The following NUDT3 variants were observed in gnomAD, a reference collection of about 807,000 sequenced individuals.
The protein encoded by NUDT3 is nudix hydrolase 3.
Under a neutral mutation model 23.6 loss-of-function variants are expected in NUDT3, and 9 were observed. The ratio of observed to expected loss-of-function variants is 0.38; its 90% CI spans 0.23 to 0.66. NUDT3 has a LOEUF of 0.66. Among genes scored for constraint, NUDT3 ranks in the 30% least tolerant of loss-of-function variants. The pLI, the probability that NUDT3 is intolerant of heterozygous loss-of-function variation, is 0.52. For synonymous variants in NUDT3, 86 were observed against 82.6 expected, an observed-to-expected ratio of 1.04 and a Z score of -0.22; for missense variants, 172 against 218.5, an observed-to-expected ratio of 0.79 and a Z score of 1.34.
chr6:34,336,858 A>G lies in NUDT3; in HGVS notation c.210+5004T>C, dbSNP rs533491948. 2.9e-4 allele frequency among the ~76,000 whole-genome samples: 44 copies of G among 152,352 alleles called. No individual in the cohort carries two copies. The South Asian group carries it at 4.3e-3, about 15-fold the overall frequency. ...AGGTATTATCCACAGAGCCCCTCAA[A>G]AAGTGGCTATTAAAATCTCCTACAT... On this transcript the variant is annotated intron_variant, in intron 2 of 4. Transcript: ENST00000607016.
At chr6:34,342,993 A>C (rs1205942166) in intron 1 of NUDT3, among the ~76,000 whole-genome samples, 1 of 152,066 alleles carries the variant, frequency 6.6e-6, no homozygotes, top group East Asian at 1.9e-4. Context: ...TGTTCCTGTC[A>C]TAAGAGATTC....
rs369131117 is a variant in NUDT3 at position 34,392,339 on chromosome 6, C to T, written c.24G>A (p.Gln8=). 1.1e-5 allele frequency: 17 copies of T among 1,605,310 alleles called. No homozygotes were observed. Among genetic ancestry groups the T allele is most frequent in the African/African-American group, 4.1e-5 (3 of 73,494 alleles). Residue 8 remains glutamine, a synonymous_variant, in exon 1 of 5, where the codon CAG becomes CAA. Coordinates refer to ENST00000607016, the MANE Select transcript of NUDT3 (RefSeq NM_006703.4). ...AGCCGTCGCCGTCGTAGGTGCGGGT[C>T]TGGTTCGACTTGAGCTTCATCATCC... MMKLKSN[Q]TRTYDGDGYK...
chr6:34,328,453 A>G (rs562041164), intron 2 of NUDT3, among the ~76,000 whole-genome samples: 13 of 152,358 alleles, frequency 8.5e-5, no homozygotes, highest in African/African-American at 3.1e-4. Context: ...TAAAAATAAT[A>G]CATGTTCCTA....
At chr6:34,302,875 C>A (rs1045023260) in intron 2 of NUDT3, among the ~76,000 whole-genome samples, 3 of 152,204 alleles carry the variant, frequency 2.0e-5, no homozygotes, top group Non-Finnish European at 1.5e-5. Flanking sequence ...GGTCTAGAGA[C>A]TCCAGAATAG....
At chr6:34,331,763 T>C (rs2113726957) in intron 2 of NUDT3, among the ~76,000 whole-genome samples, 1 of 152,364 alleles carries the variant, frequency 6.6e-6, no homozygotes. Context: ...CGTACCGACT[T>C]TGTTCCCTTG....
chr6:34,349,294 TGATAGGTTTCCA>T (rs143793284), intron 1 of NUDT3, among the ~76,000 whole-genome samples: 2,121 of 145,816 alleles, frequency 0.015, 46 homozygotes, highest in African/African-American at 0.029. Context: ...TAGAAGGAAG[TGATAGGTTTCCA>T]GATACATAGA....
intron 2 of NUDT3, among the ~76,000 whole-genome samples, chr6:34,339,710 T>G (rs1764260230): frequency 6.6e-6 from 1 of 152,260 alleles, no homozygotes; most frequent in Non-Finnish European, 1.5e-5. Flanking sequence ...TGCCCTATAA[T>G]GGCAGAGTTA....
intron 1 of NUDT3, among the ~76,000 whole-genome samples, chr6:34,366,405 A>G (rs990523540): frequency 1.4e-5 from 2 of 147,606 alleles, no homozygotes; most frequent in South Asian, 4.4e-4. Flanking sequence ...GAAAGAAAGG[A>G]AAAGGAGAGA....
chr6:34,379,079 C>T (rs191930325), intron 1 of NUDT3, among the ~76,000 whole-genome samples: 2 of 152,262 alleles, frequency 1.3e-5, no homozygotes, highest in South Asian at 4.1e-4. Context: ...CCCACAGCAA[C>T]GTAGTTCTAG....
At chr6:34,289,085 T>C (rs530917970) in intron 4 of NUDT3, among the ~76,000 whole-genome samples, 154 bp from the exon 5 acceptor site, 17 of 152,308 alleles carry the variant, frequency 1.1e-4, no homozygotes, top group Middle Eastern at 3.4e-3. Flanking sequence ...GCTTCAAATA[T>C]TATATCAATG....
At chr6:34,293,219 C>G (rs1195936736) in intron 4 of NUDT3, among the ~76,000 whole-genome samples, 1 of 152,192 alleles carries the variant, frequency 6.6e-6, no homozygotes, top group Non-Finnish European at 1.5e-5. Context: ...TGTGCCACCA[C>G]GCCGAGCTAA....
chr6:34,317,762 A>T (rs1192894437), intron 2 of NUDT3, among the ~76,000 whole-genome samples: 3 of 152,188 alleles, frequency 2.0e-5, no homozygotes, highest in Admixed American at 2.0e-4. Flanking sequence ...CACCAACATA[A>T]GTCACATAAA....
chr6:34,288,623 T>C lies in NUDT3; in HGVS notation c.*130A>G. 7.8e-7 allele frequency: 1 copy of C among 1,278,418 alleles called. No homozygotes were observed. Among genetic ancestry groups the C allele is most frequent in the Non-Finnish European group, 1.1e-6 (1 of 942,642 alleles). 79.2% of individuals were successfully genotyped at this position (1,278,418 alleles called of 1,614,324 possible). On this transcript the variant is annotated 3_prime_UTR_variant, in exon 5 of 5. Transcript: ENST00000607016. ...AAACAGCAACATTATCAATACACCC[T>C]TTCTTTGCTGCCCACCATGCCTTAT...
rs149030493 is a variant in NUDT3, at chr6:34,387,614, C to T, written c.99+4650G>A. 9.0e-4 allele frequency among the ~76,000 whole-genome samples: 130 copies of T among 145,196 alleles called. No individual in the cohort carries two copies. The East Asian group carries it at 0.011, about 12-fold the overall frequency. On this transcript the variant is annotated intron_variant, in intron 1 of 4. Transcript: ENST00000607016. ...GCTTGGGAGGCTGAGGTGGAAGGAT[C>T]ACTTGAGCCCAGGAATTCAAGACCA...
intron 2 of NUDT3, among the ~76,000 whole-genome samples, chr6:34,297,728 AAAAT>A (rs539520750): frequency 0.14 from 7,132 of 51,538 alleles, 290 homozygotes; most frequent in African/African-American, 0.28. Context: ...TAAAAAAAAA[AAAAT>A]ATATATATAT....
chr6:34,288,482 AGGACTGCAGGGGT>A lies in NUDT3; in HGVS notation c.*258_*270del, dbSNP rs1356472952. ...GGGAAGGCTGTTGGCCTCTCTTCAG[AGGACTGCAGGGGT>A]GGGAAGAGGGAGGGACAGATCATGC... On this transcript the variant is annotated 3_prime_UTR_variant, in exon 5 of 5. Transcript: ENST00000607016. 5 of 338,150 alleles carry A rather than the reference AGGACTGCAGGGGT, an allele frequency of 1.5e-5. No individual in the cohort carries two copies. Among genetic ancestry groups the A allele is most frequent in the Non-Finnish European group, 2.7e-5 (5 of 188,082 alleles). The allele number at this position is 338,150 out of a possible 1,614,324, so 20.9% of individuals were successfully genotyped here. A position where few individuals can be genotyped will look rare whatever the true frequency, so the allele number is the denominator to read the frequency against.
chr6:34,392,229 C>T, intron 1 of NUDT3, 35 bp downstream of exon 1: 3 of 1,520,358 alleles, frequency 2.0e-6, no homozygotes, highest in Non-Finnish European at 2.6e-6. Context: ...GGCCGGAGAC[C>T]CGGCGACCCC....
rs916058260 is a variant in NUDT3 at position 34,295,689 on chromosome 6, G to C, written c.211-4C>G. The C allele has an allele frequency of 1.9e-6, 3 of 1,613,674 alleles. No homozygotes were observed. In the African/African-American group the frequency reaches 4.0e-5, roughly 22 times the overall value. ...CCAATGTCCCTTTTACTCCAGCCTA[G>C]AAAGTGAAAAGAACAATTAATGCAC... is the stretch of plus-strand genomic sequence containing the variant. On this transcript the variant is annotated splice_polypyrimidine_tract_variant and splice_region_variant and intron_variant, in intron 2 of 4. Transcript: ENST00000607016.
chr6:34,385,303 T>C (rs777355444), intron 1 of NUDT3, among the ~76,000 whole-genome samples: 4 of 151,648 alleles, frequency 2.6e-5, no homozygotes, highest in Non-Finnish European at 5.9e-5. Flanking sequence ...AAATAAAAAA[T>C]ATGGCCAGGC....
Sources: allele counts gnomAD v4.1 joint callset (sites outside exome capture counted in the v4.1 genomes callset), GRCh38; gene constraint gnomAD v4.1.1; transcripts MANE v1.5; gene names NCBI Gene and HGNC (gene_info 2026-07-23, HGNC 2026-07-21).